Variants in DNAH17 observed in about 807,000 individuals in gnomAD.
The protein encoded by DNAH17 is dynein axonemal heavy chain 17.
DNAH17 carries 376 observed loss-of-function variants against 485.6 expected under a neutral mutation model. That is an observed-to-expected ratio of 0.77 (90% confidence interval 0.71 to 0.84). The LOEUF is 0.84. DNAH17 is among the 40% of genes least tolerant of loss of function. DNAH17 has a pLI of 0.00. For missense variants in DNAH17, 6,370 were observed against 5,839.3 expected (o/e 1.09, Z -2.96); for synonymous variants, 3,031 against 2,405.9 (o/e 1.26, Z -7.60).
intron 75 of DNAH17, 149 bp from the exon 76 acceptor site, chr17:78,429,449 C>T: frequency 1.2e-6 from 1 of 853,616 alleles, no homozygotes; most frequent in Non-Finnish European, 1.8e-6. Flanking sequence ...GGCCATTTAC[C>T]TTCAGGGTCA....
chr17:78,438,047 G>A (rs111766128), intron 73 of DNAH17, among the ~76,000 whole-genome samples, 179 bp from the exon 74 acceptor site: 9 of 152,270 alleles, frequency 5.9e-5, no homozygotes, highest in Non-Finnish European at 8.8e-5. Flanking sequence ...TGCTGGGCAT[G>A]CCAGGATGTC....
At chr17:78,565,919 C>T (rs1427828274) in intron 11 of DNAH17, among the ~76,000 whole-genome samples, 1 of 152,136 alleles carries the variant, frequency 6.6e-6, no homozygotes, top group Non-Finnish European at 1.5e-5. Flanking sequence ...CACTACACTC[C>T]AGCCTGGGCA....
At chr17:78,535,711 G>A (rs1330214971) in intron 19 of DNAH17, among the ~76,000 whole-genome samples, 1 of 152,024 alleles carries the variant, frequency 6.6e-6, no homozygotes, top group Non-Finnish European at 1.5e-5. Context: ...CTCCCTTCCT[G>A]GTAAGCACTC....
intron 37 of DNAH17, 31 bp from the exon 38 acceptor site, chr17:78,496,063 A>C: frequency 6.3e-7 from 1 of 1,599,462 alleles, no homozygotes; most frequent in Non-Finnish European, 8.5e-7. Context: ...ACATGTTAGC[A>C]TGGAAATGGC....
At chr17:78,543,308 G>C (rs147069350) in intron 17 of DNAH17, among the ~76,000 whole-genome samples, 2 of 146,562 alleles carry the variant, frequency 1.4e-5, no homozygotes, top group South Asian at 2.1e-4. Context: ...TTTTGAGACG[G>C]AGTCTCGCTC....
chr17:78,469,259 AG>A (rs1203012324), intron 54 of DNAH17, among the ~76,000 whole-genome samples: 13 of 152,078 alleles, frequency 8.5e-5, no homozygotes, highest in African/African-American at 3.1e-4. Context: ...CTCCTGCCTC[AG>A]CCTCCCGAGT....
Position 78,461,606 on chromosome 17 carries a change from T to C in DNAH17, c.9277A>G (p.Lys3093Glu). The change falls in exon 58 of 81, where the codon AAG becomes GAG. Residue 3093 changes from lysine (K) to glutamate (E), a missense_variant. Transcript: ENST00000389840. ...LIQVVGIEAE[K>E]VSKEKAIADQ... is the part of the protein sequence containing the mutation. The stretch of plus-strand genomic sequence containing the variant: ...GCAATGGCCTTCTCTTTGCTGACCT[T>C]CTCGGCCTCGATGCCGACCACCTGG... The C allele has an allele frequency of 1.2e-6, 2 of 1,608,160 alleles. No homozygotes were observed. Among genetic ancestry groups the C allele is most frequent in the Non-Finnish European group, 1.7e-6 (2 of 1,177,776 alleles).
At chr17:78,501,381 A>T in intron 34 of DNAH17, 37 bp from the exon 35 acceptor site, 1 of 1,563,700 alleles carries the variant, frequency 6.4e-7, no homozygotes, top group Non-Finnish European at 8.7e-7. Flanking sequence ...GCCAGGTGGA[A>T]TACAAGAGCT....
intron 27 of DNAH17, among the ~76,000 whole-genome samples, chr17:78,509,780 A>T (rs1016086399): frequency 6.6e-6 from 1 of 152,116 alleles, no homozygotes; most frequent in Non-Finnish European, 1.5e-5. Flanking sequence ...ACAGACAAAG[A>T]CGCTTGAGGC....
intron 74 of DNAH17, 99 bp from the exon 75 acceptor site, chr17:78,434,319 T>G: frequency 1.7e-6 from 2 of 1,208,904 alleles, no homozygotes; most frequent in African/African-American, 1.5e-5. Context: ...CCAGATGCTT[T>G]GCTAGGGTGG....
chr17:78,573,795 A>G (rs2092395084), intron 2 of DNAH17, among the ~76,000 whole-genome samples: 1 of 152,008 alleles, frequency 6.6e-6, no homozygotes, highest in African/African-American at 2.4e-5. Context: ...CTTCAACTTC[A>G]ACCTCTAGCC....
At chr17:78,468,356 G>A (rs1326801935) in intron 55 of DNAH17, among the ~76,000 whole-genome samples, 1 of 152,066 alleles carries the variant, frequency 6.6e-6, no homozygotes, top group Non-Finnish European at 1.5e-5. Flanking sequence ...ATCCATGGCG[G>A]TCCTGGAATC....
At chr17:78,442,953 C>A (rs1167077574) in intron 71 of DNAH17, among the ~76,000 whole-genome samples, 1 of 152,184 alleles carries the variant, frequency 6.6e-6, no homozygotes, top group Admixed American at 6.5e-5. Flanking sequence ...AATCTCCTTG[C>A]TTTTAAGCGA....
rs986379142 is a variant in DNAH17 at position 78,445,503 on chromosome 17, G to T, written c.11334+55C>A. ...TTGGAAACATCCGCAGCATCAGCTG[G>T]AGGGGGCTCCACGGCGGGGAGAAAG... On this transcript the variant is annotated intron_variant, in intron 70 of 80. Coordinates refer to ENST00000389840, the MANE Select transcript of DNAH17 (RefSeq NM_173628.4). The T allele has an allele frequency of 3.2e-6, 5 of 1,542,872 alleles. No individual in the cohort carries two copies. In the African/African-American group the frequency reaches 5.5e-5, roughly 17 times the overall value.
At chr17:78,492,576 C>T (rs1598574907) in intron 42 of DNAH17, 57 bp downstream of exon 42, 1 of 1,597,944 alleles carries the variant, frequency 6.3e-7, no homozygotes, top group East Asian at 2.2e-5. Flanking sequence ...TGAGCACACG[C>T]TCACTGCACT....
rs2092332861 is a variant in DNAH17 at position 78,570,294 on chromosome 17, T to C, written c.997A>G (p.Arg333Gly). The C allele has an allele frequency of 6.2e-7, 1 of 1,600,446 alleles. No homozygotes were observed. The highest frequency in any genetic ancestry group is 2.3e-5 in the East Asian group (1 of 44,426). ...AACTCCTGCAGGATGACGATGATCCTGGCAGGTGTGTTATAGTACTCAGAG... is the reference window on the plus strand; with the variant it reads ...AACTCCTGCAGGATGACGATGATCCCGGCAGGTGTGTTATAGTACTCAGAG... ...ATSEYYNTPARIIVILQEFCN... is the reference protein window; with the variant it reads ...ATSEYYNTPAGIIVILQEFCN... Residue 333 changes from arginine (R) to glycine (G), a missense_variant, in exon 7 of 81, where the codon AGG becomes GGG. Transcript: ENST00000389840.
At chr17:78,500,209 T>C (rs902023075) in intron 36 of DNAH17, 96 bp downstream of exon 36, 5 of 1,355,142 alleles carry the variant, frequency 3.7e-6, no homozygotes, top group Admixed American at 5.3e-5. Context: ...TATCCAGAGA[T>C]CTGGAGTTTA....
At chr17:78,549,133 A>G (rs2091843755) in intron 16 of DNAH17, among the ~76,000 whole-genome samples, 1 of 152,206 alleles carries the variant, frequency 6.6e-6, no homozygotes, top group African/African-American at 2.4e-5. Context: ...CAAAATTCAC[A>G]TATTCGAGTC....
At chr17:78,509,932 A>T (rs1200977695) in intron 27 of DNAH17, among the ~76,000 whole-genome samples, 4 of 152,246 alleles carry the variant, frequency 2.6e-5, no homozygotes, top group African/African-American at 9.6e-5. Flanking sequence ...CTGTAATCCT[A>T]GCCCTTTGGG....
Sources: allele counts gnomAD v4.1 joint callset (sites outside exome capture counted in the v4.1 genomes callset), GRCh38; gene constraint gnomAD v4.1.1; transcripts MANE v1.5; gene names NCBI Gene and HGNC (gene_info 2026-07-23, HGNC 2026-07-21).